RNF220: variants seen among roughly 807,000 people sequenced by gnomAD.
The protein encoded by RNF220 is ring finger protein 220.
RNF220 carries 7 observed loss-of-function variants against 67.1 expected under a neutral mutation model. That is an observed-to-expected ratio of 0.10 (90% confidence interval 0.06 to 0.20). RNF220 has a LOEUF of 0.20. Among genes scored for constraint, RNF220 ranks in the 10% least tolerant of loss-of-function variants. RNF220 has a pLI of 1.00. For synonymous variants in RNF220, 270 were observed against 283.2 expected (o/e 0.95, Z 0.47); for missense variants, 565 against 740.3 (o/e 0.76, Z 2.75).
chr1:44,645,395 CCT>C lies in RNF220; in HGVS notation c.1367-12_1367-11del. ...CAGTCTGGCCGGAGTGTGAGTTGCCCCTCTGTCCCAGCAGAGATGCCATCCAC... is the reference window on the plus strand; with the variant it reads ...CAGTCTGGCCGGAGTGTGAGTTGCCCCTGTCCCAGCAGAGATGCCATCCAC... On this transcript the variant is annotated splice_polypyrimidine_tract_variant and intron_variant, in intron 11 of 14. Coordinates refer to ENST00000361799, the MANE Select transcript of RNF220 (RefSeq NM_018150.4). The surrounding 1 kb of genome is among the most constrained non-coding windows in gnomAD (Gnocchi z 5.0). The C allele has an allele frequency of 6.2e-7, 1 of 1,614,050 alleles. No homozygotes were observed.
At chr1:44,644,590 C>T (rs1351546535) in intron 8 of RNF220, 108 bp from the exon 9 acceptor site, 4 of 786,674 alleles carry the variant, frequency 5.1e-6, no homozygotes, top group Non-Finnish European at 8.6e-6. Context: ...CCAGGTTTCC[C>T]TCTGGGCCTT....
At chr1:44,437,619 G>A (rs527427468) in intron 2 of RNF220, among the ~76,000 whole-genome samples, 2 of 152,098 alleles carry the variant, frequency 1.3e-5, no homozygotes, top group Non-Finnish European at 1.5e-5. Flanking sequence ...ACAAGCTGTC[G>A]ATATCCAGGG....
At chr1:44,495,945 G>GC (rs200318668) in intron 2 of RNF220, among the ~76,000 whole-genome samples, 1,997 of 152,346 alleles carry the variant, frequency 0.013, 39 homozygotes, top group African/African-American at 0.046. Context: ...GAATGAACCA[G>GC]TGGCAAGAGA....
At chr1:44,555,837 G>A (rs1191777501) in intron 2 of RNF220, among the ~76,000 whole-genome samples, 1 of 150,568 alleles carries the variant, frequency 6.6e-6, no homozygotes, top group African/African-American at 2.5e-5. Context: ...TGCTTAGAAT[G>A]TCTTCTATGC....
At chr1:44,592,936 A>G (rs1666220159) in intron 2 of RNF220, among the ~76,000 whole-genome samples, 1 of 152,200 alleles carries the variant, frequency 6.6e-6, no homozygotes, top group East Asian at 1.9e-4. Flanking sequence ...GAGTGGGAGT[A>G]GAGGGGGATG....
chr1:44,492,884 T>C (rs1656977547), intron 2 of RNF220, among the ~76,000 whole-genome samples: 1 of 152,142 alleles, frequency 6.6e-6, no homozygotes, highest in Non-Finnish European at 1.5e-5. Context: ...GCATACCTAC[T>C]GTGAAAATCC....
chr1:44,515,059 T>A (rs1040736400), intron 2 of RNF220, among the ~76,000 whole-genome samples: 1 of 152,112 alleles, frequency 6.6e-6, no homozygotes, highest in African/African-American at 2.4e-5. Context: ...AGGCTGGAAA[T>A]AAGTTCTGAA....
intron 6 of RNF220, among the ~76,000 whole-genome samples, chr1:44,634,650 G>C (rs1300577268): frequency 1.3e-5 from 2 of 152,344 alleles, no homozygotes; most frequent in South Asian, 2.1e-4. Context: ...AGAGGGAAGA[G>C]AGTTTCTTGT....
chr1:44,514,061 G>A (rs536323554), intron 2 of RNF220, among the ~76,000 whole-genome samples: 1 of 152,282 alleles, frequency 6.6e-6, no homozygotes, highest in African/African-American at 2.4e-5. Flanking sequence ...GTAGCATCTT[G>A]TATTTATCCT....
chr1:44,531,207 C>T (rs887981830), intron 2 of RNF220, among the ~76,000 whole-genome samples: 6 of 152,252 alleles, frequency 3.9e-5, no homozygotes, highest in East Asian at 1.9e-4. Context: ...AAGGTAAATC[C>T]GGGGTCCTCC....
intron 3 of RNF220, among the ~76,000 whole-genome samples, chr1:44,616,518 G>C (rs1324151059): frequency 1.3e-5 from 2 of 152,158 alleles, no homozygotes; most frequent in African/African-American, 4.8e-5. Context: ...TGCACAGCTA[G>C]TAAGTGATGA....
At chr1:44,489,376 A>G (rs1193553529) in intron 2 of RNF220, among the ~76,000 whole-genome samples, 1 of 152,252 alleles carries the variant, frequency 6.6e-6, no homozygotes, top group African/African-American at 2.4e-5. Context: ...GAAGATGGTA[A>G]ACACTGTAAG....
intron 2 of RNF220, among the ~76,000 whole-genome samples, chr1:44,456,200 T>C (rs1653157509): frequency 6.6e-6 from 1 of 152,206 alleles, no homozygotes; most frequent in Non-Finnish European, 1.5e-5. Flanking sequence ...GAAGTTCCTT[T>C]CCACTGAAGA....
chr1:44,623,641 A>C (rs1468569860), intron 4 of RNF220, among the ~76,000 whole-genome samples: 1 of 152,178 alleles, frequency 6.6e-6, no homozygotes, highest in Non-Finnish European at 1.5e-5. Flanking sequence ...TGACTATGGA[A>C]GATTTGGGAA....
chr1:44,482,977 C>CT (rs1655969276), intron 2 of RNF220, among the ~76,000 whole-genome samples: 1 of 124,868 alleles, frequency 8.0e-6, no homozygotes, highest in Non-Finnish European at 1.6e-5. Flanking sequence ...GTAGCCCAGG[C>CT]TGGAGCGCAG....
At chr1:44,625,736 A>ATTAATCTAAAC (rs1643919100) in intron 4 of RNF220, among the ~76,000 whole-genome samples, 1 of 152,064 alleles carries the variant, frequency 6.6e-6, no homozygotes. Context: ...CTGCAGGCGT[A>ATTAATCTAAAC]TGTAGAAGAG....
intron 2 of RNF220, among the ~76,000 whole-genome samples, chr1:44,451,846 C>G (rs1000173726): frequency 2.6e-5 from 4 of 152,138 alleles, no homozygotes; most frequent in Admixed American, 6.5e-5. Context: ...GTCTCAAACT[C>G]CTGACCTCGT....
intron 2 of RNF220, among the ~76,000 whole-genome samples, chr1:44,586,178 T>A (rs1665678814): frequency 6.6e-6 from 1 of 152,198 alleles, no homozygotes; most frequent in Non-Finnish European, 1.5e-5. Context: ...GAAGAGAAGA[T>A]AATTATTTCT....
chr1:44,426,745 A>C (rs1649822608), intron 2 of RNF220, among the ~76,000 whole-genome samples: 1 of 151,768 alleles, frequency 6.6e-6, no homozygotes, highest in South Asian at 2.1e-4. Context: ...AAAAAAAGAA[A>C]GAAAGAAAGA....
Sources: allele counts gnomAD v4.1 joint callset (sites outside exome capture counted in the v4.1 genomes callset), GRCh38; gene constraint gnomAD v4.1.1; non-coding constraint Gnocchi (gnomAD v3.1); transcripts MANE v1.5; gene names NCBI Gene and HGNC (gene_info 2026-07-23, HGNC 2026-07-21).